Variants in SDHA observed in about 807,000 individuals in gnomAD.
The protein encoded by SDHA is succinate dehydrogenase [ubiquinone] flavoprotein subunit, mitochondrial.
SDHA carries 48 observed loss-of-function variants against 78.4 expected under a neutral mutation model. The ratio of observed to expected loss-of-function variants is 0.61; its 90% CI spans 0.49 to 0.78. The LOEUF is 0.78. SDHA is among the 30% of genes least tolerant of loss of function. The probability of loss-of-function intolerance (pLI) is 0.00; values close to 1 mark genes in which losing one functional copy is unlikely to be tolerated. For synonymous variants in SDHA, 326 were observed against 353.9 expected (o/e 0.92, Z 0.88); for missense variants, 680 against 892.7 (o/e 0.76, Z 3.04).
chr5:255,740 A>G (rs1262599886), intron 14 of SDHA, among the ~76,000 whole-genome samples: 3 of 152,060 alleles, frequency 2.0e-5, no homozygotes, highest in African/African-American at 7.3e-5. Context: ...AGTTTTAGTG[A>G]TTTTTCAAGA....
chr5:266,297 G>T, the SDHA span, among the ~76,000 whole-genome samples: 1 of 152,222 alleles, frequency 6.6e-6, no homozygotes, highest in African/African-American at 2.4e-5. Context: ...TTAGGACAAA[G>T]AATTAAAAAC....
Position 256,770 on chromosome 5 carries a change from G to T in SDHA, c.*350G>T. On this transcript the variant is annotated 3_prime_UTR_variant, in exon 15 of 15. Transcript: ENST00000264932. ...GACCTAAAAATCAAATGTAATCTTT[G>T]TATTGTGTTACATCAAAATCCAGAT... 3 of 298,466 alleles carry T rather than the reference G, an allele frequency of 1.0e-5. No homozygotes were observed. The highest frequency in any genetic ancestry group is 6.3e-5 in the South Asian group (1 of 15,752). The allele number at this position is 298,466 out of a possible 1,614,324, so 18.5% of individuals were successfully genotyped here.
intron 7 of SDHA, among the ~76,000 whole-genome samples, chr5:231,919 G>T (rs561707450): frequency 6.6e-6 from 1 of 152,154 alleles, no homozygotes; most frequent in Non-Finnish European, 1.5e-5. Context: ...TCTTGGGGAC[G>T]TCTGACGGTT....
intron 5 of SDHA, among the ~76,000 whole-genome samples, chr5:227,169 C>G (rs992136304): frequency 3.3e-5 from 5 of 152,030 alleles, no homozygotes; most frequent in Non-Finnish European, 5.9e-5. Flanking sequence ...CGCCACCATG[C>G]CTGGCTAATT....
intron 7 of SDHA, among the ~76,000 whole-genome samples, chr5:232,631 G>A (rs1735482210): frequency 6.6e-6 from 1 of 152,008 alleles, no homozygotes; most frequent in Non-Finnish European, 1.5e-5. Context: ...CAGTATGTGA[G>A]AAGTAACCAC....
intron 5 of SDHA, among the ~76,000 whole-genome samples, chr5:227,166 A>G (rs1374361762): frequency 6.6e-6 from 1 of 151,904 alleles, no homozygotes; most frequent in Non-Finnish European, 1.5e-5. Context: ...GCACGCCACC[A>G]TGCCTGGCTA....
At chr5:265,861 G>A in the SDHA span, among the ~76,000 whole-genome samples, 6 of 151,044 alleles carry the variant, frequency 4.0e-5, no homozygotes, top group Non-Finnish European at 8.8e-5. Flanking sequence ...CCCCAATGCT[G>A]TGGTTCTCTA....
intron 6 of SDHA, 71 bp from the exon 7 acceptor site, chr5:230,805 C>T (rs1735347121): frequency 6.3e-7 from 1 of 1,593,296 alleles, no homozygotes; most frequent in East Asian, 2.2e-5. Flanking sequence ...CGTGTCCATT[C>T]TGTGATCTCA....
At chr5:221,381 T>C (rs1265652352) in intron 1 of SDHA, among the ~76,000 whole-genome samples, 1 of 152,252 alleles carries the variant, frequency 6.6e-6, no homozygotes, top group African/African-American at 2.4e-5. Context: ...CTTCCGCTTC[T>C]TCCTGATACA....
At chr5:219,579 A>G (rs879277336) in intron 1 of SDHA, among the ~76,000 whole-genome samples, 5 of 152,226 alleles carry the variant, frequency 3.3e-5, no homozygotes, top group Non-Finnish European at 5.9e-5. Flanking sequence ...TCCTGCCAAC[A>G]TCAGAAAGCG....
intron 11 of SDHA, among the ~76,000 whole-genome samples, chr5:243,742 T>C (rs559064942): frequency 2.8e-4 from 43 of 152,342 alleles, no homozygotes; most frequent in African/African-American, 1.0e-3. Flanking sequence ...TAATCCCGAT[T>C]GCCAGGCTGC....
At chr5:250,654 A>G (rs7706696) in intron 11 of SDHA, 103,744 of 361,614 alleles carry the variant, frequency 0.29, 18,859 homozygotes, top group African/African-American at 0.62. Context: ...AGGGGTGTGG[A>G]GAGGCAGCGC....
downstream of SDHA, among the ~76,000 whole-genome samples, chr5:257,800 C>A (rs1335155463): frequency 2.3e-5 from 2 of 87,438 alleles, no homozygotes; most frequent in Non-Finnish European, 4.4e-5. Flanking sequence ...GCTCCACCCC[C>A]TGCCAGAGCA....
intron 1 of SDHA, among the ~76,000 whole-genome samples, chr5:220,800 C>A (rs1734668581): frequency 6.7e-6 from 1 of 149,262 alleles, no homozygotes; most frequent in Non-Finnish European, 1.5e-5. Context: ...TGCACAGTAA[C>A]CATGTGTGAA....
At chr5:220,033 C>T (rs1317692986) in intron 1 of SDHA, among the ~76,000 whole-genome samples, 1 of 152,058 alleles carries the variant, frequency 6.6e-6, no homozygotes, top group African/African-American at 2.4e-5. Flanking sequence ...AAAAAATTAG[C>T]AGAAAAAAGA....
intron 5 of SDHA, 129 bp downstream of exon 5, chr5:226,176 T>C (rs1162964338): frequency 9.7e-7 from 1 of 1,034,060 alleles, no homozygotes; most frequent in Non-Finnish European, 1.5e-6. Context: ...AACAGCAGCG[T>C]GGGGCGCATG....
rs1287287443 is a variant in SDHA at position 237,137 on chromosome 5, T to A, written c.1432+538T>A. Among the ~76,000 whole-genome samples the A allele has an allele frequency of 3.4e-4, 45 of 132,924 alleles. 10 individuals are homozygous for A. The highest frequency in any genetic ancestry group is 1.1e-3 in the African/African-American group (29 of 27,042). 87.2% of individuals were successfully genotyped at this position (132,924 alleles called of 152,430 possible). On this transcript the variant is annotated intron_variant, in intron 10 of 14. Transcript: ENST00000264932. The stretch of plus-strand genomic sequence containing the variant: ...ACATTTTTGGGGTTACATTTTTTTT[T>A]AATTATTTTGCAGTCATTATGTTCT...
In SDHA at chr5:251,122, C is replaced by G; in HGVS notation, c.1663+19C>G. 1.2e-6 allele frequency: 2 copies of G among 1,605,902 alleles called. No homozygotes were observed. Among genetic ancestry groups the G allele is most frequent in the Non-Finnish European group, 1.7e-6 (2 of 1,174,332 alleles). ...GACCGGGGTGAGCAGACAGTGGGCT[C>G]TGTGCACACTGTTGGGCCCTTCCTT... On this transcript the variant is annotated intron_variant, in intron 12 of 14. Coordinates refer to ENST00000264932, the MANE Select transcript of SDHA (RefSeq NM_004168.4).
At chr5:232,949 A>T (rs1735510482) in intron 7 of SDHA, among the ~76,000 whole-genome samples, 1 of 152,204 alleles carries the variant, frequency 6.6e-6, no homozygotes, top group African/African-American at 2.4e-5. Flanking sequence ...TCACTGAGAA[A>T]GGGGGTCGTA....
Sources: gnomAD v4.1 joint callset for allele counts (sites outside exome capture counted in the v4.1 genomes callset) on GRCh38, gnomAD v4.1.1 for gene constraint, MANE v1.5 for transcripts, NCBI Gene and HGNC (gene_info 2026-07-23, HGNC 2026-07-21) for gene names.